The following TLR4 variants were observed in gnomAD, a reference collection of about 807,000 sequenced individuals.
TLR4 encodes toll like receptor 4.
Under a neutral mutation model 27.4 loss-of-function variants are expected in TLR4, and 17 were observed. The ratio of observed to expected loss-of-function variants is 0.62; its 90% CI spans 0.42 to 0.93. The LOEUF (loss-of-function observed/expected upper bound fraction) is 0.93. Among genes scored for constraint, TLR4 ranks in the 40% least tolerant of loss-of-function variants. The pLI, the probability that TLR4 is intolerant of heterozygous loss-of-function variation, is 0.00. For synonymous variants in TLR4, 363 were observed against 365.7 expected (o/e 0.99, Z 0.08); for missense variants, 926 against 962.3 (o/e 0.96, Z 0.50).
chr9:117,707,190 C>A (rs1441977930), intron 1 of TLR4, among the ~76,000 whole-genome samples: 1 of 152,158 alleles, frequency 6.6e-6, no homozygotes, highest in Admixed American at 6.5e-5. Flanking sequence ...GTGCCTGGCA[C>A]TGTTTCTATT....
At chr9:117,708,103 G>A (rs575788768) in intron 1 of TLR4, 32 of 791,824 alleles carry the variant, frequency 4.0e-5, no homozygotes, top group African/African-American at 1.9e-4. Flanking sequence ...CAGCAAGCAC[G>A]ATATTGGATA....
intron 1 of TLR4, among the ~76,000 whole-genome samples, chr9:117,705,381 A>G (rs761084429): frequency 2.6e-5 from 4 of 152,214 alleles, no homozygotes; most frequent in Non-Finnish European, 5.9e-5. Context: ...GAAGTTGAGG[A>G]TATAGGAGAA....
rs925440818 is a variant in TLR4, at chr9:117,717,396, G to A, written c.*2748G>A. On this transcript the variant is annotated 3_prime_UTR_variant, in exon 3 of 3. Transcript: ENST00000355622. The stretch of plus-strand genomic sequence containing the variant: ...ATCTTCTGAATTAGGCACAGTAAGA[G>A]ATTAACAATAACTAACAATAAAATT... 2.6e-5 allele frequency: 4 copies of A among 152,012 alleles called. No homozygotes were observed. The highest frequency in any genetic ancestry group is 5.9e-5 in the Non-Finnish European group (4 of 68,000). 9.4% of individuals were successfully genotyped at this position (152,012 alleles called of 1,614,324 possible).
In TLR4 at chr9:117,714,628, C is replaced by A. The variant is rs5030724; in HGVS notation, c.2500C>A (p.Gln834Lys). Residue 834 changes from glutamine to lysine, a missense_variant, in exon 3 of 3, where the codon CAG (glutamine) becomes AAG (lysine). Coordinates refer to ENST00000355622, the MANE Select transcript of TLR4 (RefSeq NM_138554.5). ...AACAGTGGGTACAGGATGCAATTGGCAGGAAGCAACATCTATCTGAAGAGG... is the reference window on the plus strand; with the variant it reads ...AACAGTGGGTACAGGATGCAATTGGAAGGAAGCAACATCTATCTGAAGAGG... ...EGTVGTGCNWQEATSI is the reference protein window; with the variant it reads ...EGTVGTGCNWKEATSI 5.1e-4 allele frequency: 822 copies of A among 1,613,036 alleles called. 2 individuals are homozygous for A. In the Middle Eastern group the frequency reaches 8.5e-3, roughly 17 times the overall value.
In TLR4 at chr9:117,721,159, C is replaced by G. The variant is rs577359714; in HGVS notation, c.*6511C>G. The G allele has an allele frequency of 6.6e-6, 1 of 152,136 alleles. No individual in the cohort carries two copies. Among genetic ancestry groups the G allele is most frequent in the African/African-American group, 2.4e-5 (1 of 41,420 alleles). 9.4% of individuals were successfully genotyped at this position (152,136 alleles called of 1,614,324 possible). ...TGAATATATTGCATAATGGTTTAGT[C>G]TGGGCTGTTAGCGTAACCATCAACT... On this transcript the variant is annotated 3_prime_UTR_variant, in exon 3 of 3. Coordinates refer to ENST00000355622, the MANE Select transcript of TLR4 (RefSeq NM_138554.5).
chr9:117,704,695 A>G (rs1829107194), intron 1 of TLR4, 130 bp downstream of exon 1: 1 of 821,718 alleles, frequency 1.2e-6, no homozygotes, highest in South Asian at 1.5e-5. Context: ...TCAAGAAGCC[A>G]CAGAGATCAA....
chr9:117,710,384 T>C lies in TLR4; in HGVS notation c.260+1655T>C, dbSNP rs767490094. On this transcript the variant is annotated intron_variant, in intron 2 of 2. Transcript: ENST00000355622. ...GCTACTAGCTGCATCTATGCCATTATGTTCTAAATTTCAGTTTCCTGCATG... is the reference window on the plus strand; with the variant it reads ...GCTACTAGCTGCATCTATGCCATTACGTTCTAAATTTCAGTTTCCTGCATG... 4.6e-5 allele frequency among the ~76,000 whole-genome samples: 7 copies of C among 152,118 alleles called. 1 individual carries two copies. In the East Asian group the frequency reaches 7.7e-4, roughly 17 times the overall value.
At position 117,713,413 on chromosome 9, in the gene TLR4, T is replaced by A; in HGVS notation, c.1285T>A (p.Phe429Ile). ...LGLEQLEHLD[F>I]QHSNLKQMSE... ...CTTAGAACAACTAGAACATCTGGAT[T>A]TCCAGCATTCCAATTTGAAACAAAT... Residue 429 changes from phenylalanine (F) to isoleucine (I), a missense_variant, in exon 3 of 3, where the codon TTC becomes ATC. Coordinates refer to ENST00000355622, the MANE Select transcript of TLR4 (RefSeq NM_138554.5). 6.2e-7 allele frequency: 1 copy of A among 1,614,048 alleles called. No homozygotes were observed.
chr9:117,718,154 G>A lies in TLR4; in HGVS notation c.*3506G>A, dbSNP rs1829380849. 1 of 152,120 alleles carries A rather than the reference G, an allele frequency of 6.6e-6. No individual in the cohort carries two copies. The highest frequency in any genetic ancestry group is 2.1e-4 in the South Asian group (1 of 4,834). The allele number at this position is 152,120 out of a possible 1,614,324, so 9.4% of individuals were successfully genotyped here. ...GATGGGAAAGCTGAAGTTCAATGAA[G>A]TAAATTTTTCAATAGCCCACAGAGT... On this transcript the variant is annotated 3_prime_UTR_variant, in exon 3 of 3. Coordinates refer to ENST00000355622, the MANE Select transcript of TLR4 (RefSeq NM_138554.5).
Position 117,713,563 on chromosome 9 carries a change from G to C in TLR4, c.1435G>C (p.Ala479Pro). The change falls in exon 3 of 3, where the codon GCT (alanine) becomes CCT (proline). Residue 479 changes from alanine to proline, a missense_variant. Physicochemically the swap from Ala to Pro is conservative, Grantham distance 27. Transcript: ENST00000355622. ...GLSSLEVLKM[A>P]GNSFQENFLP... is the part of the protein sequence containing the mutation. ...GTCCAGTCTCGAAGTCTTGAAAATG[G>C]CTGGCAATTCTTTCCAGGAAAACTT... is the stretch of plus-strand genomic sequence containing the variant. The C allele has an allele frequency of 6.2e-7, 1 of 1,614,028 alleles. No homozygotes were observed. The highest frequency in any genetic ancestry group is 8.5e-7 in the Non-Finnish European group (1 of 1,179,984).
At position 117,713,084 on chromosome 9, in the gene TLR4, C is replaced by A; in HGVS notation, c.956C>A (p.Thr319Asn). ...NVSSFSLVSV[T>N]IERVKDFSYN... is the part of the protein sequence containing the mutation. ...TCTTCATTTTCCCTGGTGAGTGTGA[C>A]TATTGAAAGGGTAAAAGACTTTTCT... is the stretch of plus-strand genomic sequence containing the variant. Residue 319 changes from threonine (T) to asparagine (N), a missense_variant, in exon 3 of 3, where the codon ACT becomes AAT. Coordinates refer to ENST00000355622, the MANE Select transcript of TLR4 (RefSeq NM_138554.5). The A allele has an allele frequency of 6.2e-7, 1 of 1,613,664 alleles. No homozygotes were observed. Among genetic ancestry groups the A allele is most frequent in the South Asian group, 1.1e-5 (1 of 91,032 alleles).
At position 117,713,748 on chromosome 9, in the gene TLR4, T is replaced by A; in HGVS notation, c.1620T>A (p.Tyr540Ter). 1 of 1,614,048 alleles carries A rather than the reference T, an allele frequency of 6.2e-7. No homozygotes were observed. The highest frequency in any genetic ancestry group is 8.5e-7 in the Non-Finnish European group (1 of 1,180,022). ...NNFFSLDTFP[Y>*]KCLNSLQVLD... ...TCTTTTCATTGGATACGTTTCCTTA[T>A]AAGTGTCTGAACTCCCTCCAGGTTC... Residue 540 changes from tyrosine (Y) to a stop codon, truncating the protein, a stop_gained, in exon 3 of 3, where the codon TAT becomes TAA. Transcript: ENST00000355622. LOFTEE classifies it high-confidence loss of function.
chr9:117,713,791 C>A lies in TLR4; in HGVS notation c.1663C>A (p.His555Asn), dbSNP rs202101018. ...SLQVLDYSLN[H>N]IMTSKKQELQ... is the part of the protein sequence containing the mutation. Reference sequence around the variant, plus strand: ...CCAGGTTCTTGATTACAGTCTCAATCACATAATGACTTCCAAAAAACAGGA... The same window carrying A: ...CCAGGTTCTTGATTACAGTCTCAATAACATAATGACTTCCAAAAAACAGGA... The change falls in exon 3 of 3, where the codon CAC becomes AAC. Residue 555 changes from histidine (H) to asparagine (N), a missense_variant. By Grantham distance (68) the His-to-Asn change is moderately conservative. Transcript: ENST00000355622. 7 of 1,613,854 alleles carry A rather than the reference C, an allele frequency of 4.3e-6. No homozygotes were observed. The highest frequency in any genetic ancestry group is 5.9e-6 in the Non-Finnish European group (7 of 1,180,012).
In TLR4 at chr9:117,714,184, G is replaced by A. The variant is rs1362829212; in HGVS notation, c.2056G>A (p.Asp686Asn). The change falls in exon 3 of 3, where the codon GAC becomes AAC. Residue 686 changes from aspartate (D) to asparagine (N), a missense_variant. Transcript: ENST00000355622. ...TGTTATCTACTCAAGCCAGGATGAG[G>A]ACTGGGTAAGGAATGAGCTAGTAAA... ...AFVIYSSQDE[D>N]WVRNELVKNL... is the part of the protein sequence containing the mutation. 1 of 1,613,504 alleles carries A rather than the reference G, an allele frequency of 6.2e-7. No individual in the cohort carries two copies. The highest frequency in any genetic ancestry group is 8.5e-7 in the Non-Finnish European group (1 of 1,179,608).
Position 117,708,684 on chromosome 9 carries a change from A to C in TLR4, c.215A>C (p.Tyr72Ser). Residue 72 changes from tyrosine (Y) to serine (S), a missense_variant, in exon 2 of 3, where the codon TAT (tyrosine) becomes TCT (serine). Physicochemically the swap from Tyr to Ser is moderately radical, Grantham distance 144. Coordinates refer to ENST00000355622, the MANE Select transcript of TLR4 (RefSeq NM_138554.5). ...AATCCCCTGAGGCATTTAGGCAGCT[A>C]TAGCTTCTTCAGTTTCCCAGAACTG... Reference protein sequence around the residue: ...SFNPLRHLGSYSFFSFPELQV... With the variant: ...SFNPLRHLGSSSFFSFPELQV... 3.7e-6 allele frequency: 6 copies of C among 1,613,962 alleles called. No homozygotes were observed. The highest frequency in any genetic ancestry group is 5.1e-6 in the Non-Finnish European group (6 of 1,179,840).
At chr9:117,711,843 C>G (rs960739414) in intron 2 of TLR4, among the ~76,000 whole-genome samples, 8 of 152,288 alleles carry the variant, frequency 5.3e-5, no homozygotes, top group South Asian at 2.1e-4. Flanking sequence ...CCTCTGATAA[C>G]AAGAACTTTC....
At position 117,712,418 on chromosome 9, in the gene TLR4, C is replaced by T. The variant is rs764479349; in HGVS notation, c.290C>T (p.Ala97Val). The T allele has an allele frequency of 1.2e-6, 2 of 1,613,846 alleles. No individual in the cohort carries two copies. The highest frequency in any genetic ancestry group is 2.2e-5 in the East Asian group (1 of 44,858). Residue 97 changes from alanine (A) to valine (V), a missense_variant, in exon 3 of 3, where the codon GCA becomes GTA. Coordinates refer to ENST00000355622, the MANE Select transcript of TLR4 (RefSeq NM_138554.5). The part of the protein sequence containing the change: ...RCEIQTIEDG[A>V]YQSLSHLSTL... Reference sequence around the variant, plus strand: ...GAAATCCAGACAATTGAAGATGGGGCATATCAGAGCCTAAGCCACCTCTCT... The same window carrying T: ...GAAATCCAGACAATTGAAGATGGGGTATATCAGAGCCTAAGCCACCTCTCT...
At position 117,722,369 on chromosome 9, in the gene TLR4, T is replaced by G. The variant is rs1829432410; in HGVS notation, c.*7721T>G. 1 of 152,186 alleles carries G rather than the reference T, an allele frequency of 6.6e-6. No homozygotes were observed. The highest frequency in any genetic ancestry group is 6.5e-5 in the Admixed American group (1 of 15,280). The allele number at this position is 152,186 out of a possible 1,614,324, so 9.4% of individuals were successfully genotyped here. On this transcript the variant is annotated 3_prime_UTR_variant, in exon 3 of 3. Transcript: ENST00000355622. ...CACTGACGGTTGAAATTCAGTAGTT[T>G]TGGTCTTTAAGCTGAGACCCTGAGT...
Position 117,713,269 on chromosome 9 carries a change from A to C in TLR4, c.1141A>C (p.Ser381Arg), listed in dbSNP as rs201114738. 1.9e-6 allele frequency: 3 copies of C among 1,613,882 alleles called. No individual in the cohort carries two copies. In the African/African-American group the frequency reaches 4.0e-5, roughly 22 times the overall value. Reference protein sequence around the residue: ...DLPSLEFLDLSRNGLSFKGCC... With the variant: ...DLPSLEFLDLRRNGLSFKGCC... ...ACCAAGCCTTGAGTTTCTAGATCTC[A>C]GTAGAAATGGCTTGAGTTTCAAAGG... Residue 381 changes from serine to arginine, a missense_variant, in exon 3 of 3, where the codon AGT (serine) becomes CGT (arginine). By Grantham distance (110) the Ser-to-Arg change is moderately radical. Coordinates refer to ENST00000355622, the MANE Select transcript of TLR4 (RefSeq NM_138554.5).
Sources: gnomAD v4.1 joint callset for allele counts (sites outside exome capture counted in the v4.1 genomes callset) on GRCh38, gnomAD v4.1.1 for gene constraint, MANE v1.5 for transcripts, NCBI Gene and HGNC (gene_info 2026-07-23, HGNC 2026-07-21) for gene names.